Variants in EP400 observed in about 807,000 individuals in gnomAD.
EP400 encodes E1A-binding protein p400.
A neutral mutation model predicts 354.1 loss-of-function variants in EP400; 105 were observed. The observed-to-expected ratio is 0.30, with a 90% confidence interval of 0.25 to 0.35. The LOEUF is 0.35. Ranked by LOEUF, EP400 falls within the 10% of genes least tolerant of loss-of-function variation. The pLI is 1.00. For missense variants in EP400, 3,280 were observed against 4,121.0 expected, an observed-to-expected ratio of 0.80 and a Z score of 5.59; for synonymous variants, 1,646 against 1,716.9, an observed-to-expected ratio of 0.96 and a Z score of 1.02.
At chr12:131,970,130 G>C (rs542243854) in intron 2 of EP400, among the ~76,000 whole-genome samples, 1 of 152,330 alleles carries the variant, frequency 6.6e-6, no homozygotes, top group Admixed American at 6.5e-5. Flanking sequence ...CATCTTTACT[G>C]CTAATGCCTG....
At position 132,030,208 on chromosome 12, in the gene EP400, T is replaced by C. The variant is rs759584312; in HGVS notation, c.5754+50T>C. The C allele has an allele frequency of 3.7e-6, 6 of 1,601,552 alleles. No homozygotes were observed. The East Asian group carries it at 1.1e-4, about 30-fold the overall frequency. On this transcript the variant is annotated intron_variant, in intron 29 of 52. Coordinates refer to ENST00000389561, the MANE Select transcript of EP400 (RefSeq NM_015409.5). Reference sequence around the variant, plus strand: ...TCTCTGATGGGTCAGTCACTGGTGTTGAATGCCTAAGTGCTGTGTAAATTC... The same window carrying C: ...TCTCTGATGGGTCAGTCACTGGTGTCGAATGCCTAAGTGCTGTGTAAATTC...
intron 51 of EP400, among the ~76,000 whole-genome samples, chr12:132,072,665 G>A (rs1896099695): frequency 6.6e-6 from 1 of 152,158 alleles, no homozygotes; most frequent in Admixed American, 6.5e-5. Context: ...TGTTGTAACT[G>A]GGTCAAGTTT....
chr12:132,036,090 G>T (rs1293310861), intron 30 of EP400, among the ~76,000 whole-genome samples: 1 of 150,772 alleles, frequency 6.6e-6, no homozygotes, highest in African/African-American at 2.4e-5. Context: ...AGGTTCACAC[G>T]GAATGTCGTG....
At position 131,990,214 on chromosome 12, in the gene EP400, A is replaced by G. The variant is rs979473012; in HGVS notation, c.2550+110A>G. ...CTTGCTTAGGAAGCTTTCGAGCACC[A>G]GAGTCAGCAACGTGTGCACTCTCCT... On this transcript the variant is annotated intron_variant, in intron 8 of 52. Transcript: ENST00000389561. The surrounding 1 kb of genome is among the most constrained non-coding windows in gnomAD (Gnocchi z 4.2). The G allele has an allele frequency of 7.6e-7, 1 of 1,321,768 alleles. No individual in the cohort carries two copies. Among genetic ancestry groups the G allele is most frequent in the Admixed American group, 2.3e-5 (1 of 42,730 alleles). The allele number at this position is 1,321,768 out of a possible 1,614,324, so 81.9% of individuals were successfully genotyped here.
In EP400 at chr12:132,017,657, C is replaced by T. The variant is rs541165241; in HGVS notation, c.4046C>T (p.Ala1349Val). The T allele has an allele frequency of 6.3e-5, 100 of 1,599,230 alleles. No individual in the cohort carries two copies. Among genetic ancestry groups the T allele is most frequent in the African/African-American group, 1.9e-4 (14 of 74,488 alleles). The change falls in exon 20 of 53, where the codon GCG becomes GTG. Residue 1349 changes from alanine (A) to valine (V), a missense_variant. Coordinates refer to ENST00000389561, the MANE Select transcript of EP400 (RefSeq NM_015409.5). The surrounding 1 kb of genome is among the most constrained non-coding windows in gnomAD (Gnocchi z 5.0). ...EPRHPGSSYV[A>V]GPLEYPSASL... is the part of the protein sequence containing the mutation. ...CGGCACCCAGGCTCTTCCTACGTGG[C>T]GGGGCCACTGGAGTATCCGTCCGCA...
chr12:132,017,364 G>C lies in EP400; in HGVS notation c.3924-171G>C, dbSNP rs1893978726. Reference sequence around the variant, plus strand: ...ATGGGGATGGCGAACAAGTGCAGAGGGGCCTGCCTGGGATGTGGACTTGAA... The same window carrying C: ...ATGGGGATGGCGAACAAGTGCAGAGCGGCCTGCCTGGGATGTGGACTTGAA... On this transcript the variant is annotated intron_variant, in intron 19 of 52. Transcript: ENST00000389561. This position sits in a 1 kb window ranked among gnomAD's most constrained non-coding sequence, Gnocchi z 5.0. Among the ~76,000 whole-genome samples, 1 of 152,202 alleles carries C rather than the reference G, an allele frequency of 6.6e-6. No individual in the cohort carries two copies.
rs139782346 is a variant in EP400 at position 131,972,794 on chromosome 12, C to T, written c.1336-6900C>T. 3.8e-3 allele frequency among the ~76,000 whole-genome samples: 534 copies of T among 141,378 alleles called. 7 individuals carry two copies. Among genetic ancestry groups the T allele is most frequent in the African/African-American group, 0.014 (504 of 36,660 alleles). 92.7% of individuals were successfully genotyped at this position (141,378 alleles called of 152,430 possible). ...TTGTCCAGGCTGGAGTGCAGTGGCG[C>T]GATCTCGACTCACTACAGCCTCTGC... On this transcript the variant is annotated intron_variant, in intron 2 of 52. Transcript: ENST00000389561.
rs536692266 is a variant in EP400 at position 131,950,387 on chromosome 12, G to C, written c.-36+351G>C. ...CGGGGGACTCCGGCCCGCGCCTCCT[G>C]GTTCTCGGGGCTGAGGGGGTGGCTC... On this transcript the variant is annotated intron_variant, in intron 1 of 52. Coordinates refer to ENST00000389561, the MANE Select transcript of EP400 (RefSeq NM_015409.5). Among the ~76,000 whole-genome samples the C allele has an allele frequency of 9.8e-5, 15 of 152,312 alleles. No homozygotes were observed. The East Asian group carries it at 2.9e-3, about 29-fold the overall frequency.
chr12:131,991,331 C>A (rs1358802400), intron 9 of EP400, 76 bp from the exon 10 acceptor site: 4 of 1,482,678 alleles, frequency 2.7e-6, no homozygotes, highest in Non-Finnish European at 3.8e-6. Flanking sequence ...GGCAGCAGGA[C>A]CCTGCCTGGA....
chr12:131,973,771 T>G (rs1892376535), intron 2 of EP400, among the ~76,000 whole-genome samples: 1 of 152,214 alleles, frequency 6.6e-6, no homozygotes, highest in African/African-American at 2.4e-5. Flanking sequence ...TTGCGTGTAT[T>G]TCTCTTTGTT....
Position 131,989,939 on chromosome 12 carries a change from C to T in EP400, c.2410-25C>T, listed in dbSNP as rs1195101969. On this transcript the variant is annotated intron_variant, in intron 7 of 52. Transcript: ENST00000389561. Reference sequence around the variant, plus strand: ...CCAGCATGACATAGAGTACAACATACAATTCTTGCACTTTTATTCACCAGC... The same window carrying T: ...CCAGCATGACATAGAGTACAACATATAATTCTTGCACTTTTATTCACCAGC... The T allele has an allele frequency of 1.1e-5, 17 of 1,611,402 alleles. No homozygotes were observed. The African/African-American group carries it at 1.1e-4, about 10-fold the overall frequency.
Position 131,979,680 on chromosome 12 carries a change from A to G in EP400, c.1336-14A>G, listed in dbSNP as rs776226712. The G allele has an allele frequency of 3.1e-6, 5 of 1,596,416 alleles. No individual in the cohort carries two copies. In the African/African-American group the frequency reaches 6.8e-5, roughly 22 times the overall value. Reference sequence around the variant, plus strand: ...TCAGTGATCAAAATCTCATTTTTTCATCTTTTTTCCCAGCAGCAAGCCCTC... The same window carrying G: ...TCAGTGATCAAAATCTCATTTTTTCGTCTTTTTTCCCAGCAGCAAGCCCTC... On this transcript the variant is annotated splice_polypyrimidine_tract_variant and intron_variant, in intron 2 of 52. Coordinates refer to ENST00000389561, the MANE Select transcript of EP400 (RefSeq NM_015409.5).
chr12:131,956,347 T>TTAAC (rs1555270328), intron 1 of EP400, among the ~76,000 whole-genome samples: 1 of 152,240 alleles, frequency 6.6e-6, no homozygotes. Context: ...TTTAACTTAG[T>TTAAC]GATTGTGTTA....
In EP400 at chr12:131,996,880, C is replaced by T. The variant is rs529378097; in HGVS notation, c.2827+1924C>T. ...TCTGGACATGAATTCTTGGTCAGTTCTGTGTTGCAGTGACATTTTCCCAGT... is the reference window on the plus strand; with the variant it reads ...TCTGGACATGAATTCTTGGTCAGTTTTGTGTTGCAGTGACATTTTCCCAGT... On this transcript the variant is annotated intron_variant, in intron 12 of 52. Transcript: ENST00000389561. Among the ~76,000 whole-genome samples the T allele has an allele frequency of 7.2e-5, 11 of 152,176 alleles. No homozygotes were observed. The East Asian group carries it at 1.5e-3, about 21-fold the overall frequency.
intron 19 of EP400, 108 bp downstream of exon 19, chr12:132,014,021 T>G (rs1174993995): frequency 1.3e-6 from 2 of 1,484,250 alleles, no homozygotes; most frequent in East Asian, 2.3e-5. Context: ...GGATTGGGTG[T>G]CTGGAGCTGG....
chr12:132,001,020 G>A (rs1042433015), intron 12 of EP400, among the ~76,000 whole-genome samples: 4 of 152,146 alleles, frequency 2.6e-5, no homozygotes, highest in Non-Finnish European at 4.4e-5. Flanking sequence ...GTTTCCTAGC[G>A]TACTTTGTGA....
chr12:132,006,594 T>A, intron 14 of EP400, 106 bp from the exon 15 acceptor site: 1 of 1,169,132 alleles, frequency 8.6e-7, no homozygotes. Flanking sequence ...ATCATTTTTG[T>A]GGCTTTCTAA....
chr12:131,956,076 T>C (rs1366147158), intron 1 of EP400, among the ~76,000 whole-genome samples: 1 of 152,188 alleles, frequency 6.6e-6, no homozygotes, highest in Non-Finnish European at 1.5e-5. Context: ...CTTCAGCCCC[T>C]GTCAGGTTCT....
chr12:131,981,819 T>G (rs1444472477), intron 4 of EP400, among the ~76,000 whole-genome samples: 2 of 152,254 alleles, frequency 1.3e-5, no homozygotes, highest in Non-Finnish European at 2.9e-5. Flanking sequence ...ATTGTCATAG[T>G]GTCTTTCAAC....
Sources: gnomAD v4.1 joint callset for allele counts (sites outside exome capture counted in the v4.1 genomes callset) on GRCh38, gnomAD v4.1.1 for gene constraint, Gnocchi (gnomAD v3.1) non-coding constraint, MANE v1.5 for transcripts, NCBI Gene and HGNC (gene_info 2026-07-23, HGNC 2026-07-21) for gene names.